The following OXR1 variants were observed in gnomAD, a reference collection of about 807,000 sequenced individuals.
The protein encoded by OXR1 is oxidation resistance protein 1.
OXR1 carries 41 observed loss-of-function variants against 104.6 expected under a neutral mutation model. The observed-to-expected ratio is 0.39, with a 90% confidence interval of 0.31 to 0.51. The LOEUF (loss-of-function observed/expected upper bound fraction) is 0.51, where lower values mean the gene tolerates loss of function less well. Among genes scored for constraint, OXR1 ranks in the 20% least tolerant of loss-of-function variants. The pLI, the probability that OXR1 is intolerant of heterozygous loss-of-function variation, is 0.77. For missense variants in OXR1, 955 were observed against 1,031.9 expected (o/e 0.93, Z 1.02); for synonymous variants, 348 against 348.4 (o/e 1.00, Z 0.01).
chr8:106,515,472 C>T (rs186020711), intron 2 of OXR1, among the ~76,000 whole-genome samples: 2 of 152,126 alleles, frequency 1.3e-5, no homozygotes, highest in Admixed American at 1.3e-4. Context: ...TTCCTTATAT[C>T]CTTCATTCTA....
chr8:106,690,330 T>C (rs1283709326), intron 6 of OXR1, among the ~76,000 whole-genome samples: 2 of 151,112 alleles, frequency 1.3e-5, no homozygotes, highest in Non-Finnish European at 3.0e-5. Context: ...GCTTTGATGC[T>C]TTTAAACCTA....
chr8:106,336,282 G>C (rs1393900982), intron 1 of OXR1, among the ~76,000 whole-genome samples: 1 of 152,188 alleles, frequency 6.6e-6, no homozygotes, highest in Non-Finnish European at 1.5e-5. Context: ...TGGCACCCCA[G>C]TGGATCCCCA....
At chr8:106,375,990 C>G (rs1816892054) in intron 2 of OXR1, among the ~76,000 whole-genome samples, 1 of 152,122 alleles carries the variant, frequency 6.6e-6, no homozygotes, top group Non-Finnish European at 1.5e-5. Flanking sequence ...GCTGGTACTA[C>G]AGGCACATGC....
intron 3 of OXR1, among the ~76,000 whole-genome samples, chr8:106,621,841 A>G (rs1300809545): frequency 6.6e-6 from 1 of 152,176 alleles, no homozygotes; most frequent in Non-Finnish European, 1.5e-5. Context: ...AGTCTAAATC[A>G]CTTTATTTCC....
At chr8:106,574,211 A>C (rs1817669440) in intron 3 of OXR1, among the ~76,000 whole-genome samples, 1 of 151,114 alleles carries the variant, frequency 6.6e-6, no homozygotes, top group Non-Finnish European at 1.5e-5. Flanking sequence ...AAAAAGCCCC[A>C]AAATGTTTAT....
chr8:106,640,251 C>G (rs1015908049), intron 3 of OXR1, among the ~76,000 whole-genome samples: 2 of 151,328 alleles, frequency 1.3e-5, no homozygotes, highest in Admixed American at 1.3e-4. Flanking sequence ...ACAACCAATG[C>G]AAATATATAT....
intron 3 of OXR1, among the ~76,000 whole-genome samples, chr8:106,632,954 G>A (rs529189025): frequency 1.0e-4 from 15 of 150,560 alleles, no homozygotes; most frequent in Admixed American, 7.3e-4. Context: ...ACAGCCAACC[G>A]GCCGGGTGCG....
chr8:106,386,894 A>T (rs1198277538), intron 2 of OXR1, among the ~76,000 whole-genome samples: 1 of 152,194 alleles, frequency 6.6e-6, no homozygotes, highest in African/African-American at 2.4e-5. Flanking sequence ...GCAGACTTTT[A>T]AAAAAGGCTT....
intron 1 of OXR1, among the ~76,000 whole-genome samples, chr8:106,308,521 T>C (rs993402762): frequency 6.6e-6 from 1 of 152,190 alleles, no homozygotes; most frequent in Non-Finnish European, 1.5e-5. Flanking sequence ...ATCCCAATAC[T>C]GACCTGGTCA....
intron 1 of OXR1, among the ~76,000 whole-genome samples, chr8:106,344,205 G>T (rs1815380444): frequency 6.6e-6 from 1 of 152,194 alleles, no homozygotes; most frequent in Non-Finnish European, 1.5e-5. Context: ...TTGGGTTGGG[G>T]TGGAGATGTT....
Position 106,480,258 on chromosome 8 carries a change from C to G in OXR1, c.24-38685C>G, listed in dbSNP as rs531646548. Among the ~76,000 whole-genome samples the G allele has an allele frequency of 5.3e-5, 8 of 152,078 alleles. No individual in the cohort carries two copies. In the South Asian group the frequency reaches 1.4e-3, roughly 28 times the overall value. ...ACCAATATGCAGACCCAGCTCTGAT[C>G]TCTTTTTTTTCTGCATTGTGATATT... On this transcript the variant is annotated intron_variant, in intron 2 of 16. Coordinates refer to ENST00000517566, the MANE Select transcript of OXR1 (RefSeq NM_001198533.2).
chr8:106,285,074 C>T (rs999282158), intron 1 of OXR1, among the ~76,000 whole-genome samples: 2 of 152,046 alleles, frequency 1.3e-5, no homozygotes, highest in African/African-American at 4.8e-5. Context: ...CCCATTAACT[C>T]GTCATTTACA....
intron 11 of OXR1, among the ~76,000 whole-genome samples, chr8:106,714,513 A>G (rs1832042629): frequency 6.6e-6 from 1 of 152,076 alleles, no homozygotes; most frequent in Non-Finnish European, 1.5e-5. Flanking sequence ...AGCAGGTGCT[A>G]ATTTTATAAA....
intron 11 of OXR1, among the ~76,000 whole-genome samples, chr8:106,723,645 C>A (rs1361034555): frequency 6.6e-6 from 1 of 151,648 alleles, no homozygotes; most frequent in Non-Finnish European, 1.5e-5. Context: ...GTACTCCAGC[C>A]TGGGCAACAG....
intron 1 of OXR1, among the ~76,000 whole-genome samples, chr8:106,282,147 G>C (rs1203178735): frequency 1.3e-5 from 2 of 152,056 alleles, no homozygotes; most frequent in Non-Finnish European, 2.9e-5. Flanking sequence ...CACTGACATG[G>C]ATAGAATTCA....
intron 3 of OXR1, among the ~76,000 whole-genome samples, chr8:106,580,068 AG>A (rs1818124381): frequency 6.6e-6 from 1 of 152,226 alleles, no homozygotes; most frequent in African/African-American, 2.4e-5. Context: ...ACAGAACTAT[AG>A]GCATGAGAAT....
At chr8:106,699,235 A>G (rs921629137) in intron 7 of OXR1, among the ~76,000 whole-genome samples, 2 of 152,086 alleles carry the variant, frequency 1.3e-5, no homozygotes, top group Non-Finnish European at 2.9e-5. Flanking sequence ...CTGACTATTG[A>G]TTCTTCTGCT....
intron 1 of OXR1, among the ~76,000 whole-genome samples, chr8:106,324,059 G>A (rs770542272): frequency 2.1e-4 from 32 of 152,238 alleles, no homozygotes; most frequent in Admixed American, 8.5e-4. Context: ...ATGCATGCAC[G>A]TAAATGTTCA....
intron 1 of OXR1, among the ~76,000 whole-genome samples, chr8:106,295,150 A>T (rs977698916): frequency 6.6e-6 from 1 of 152,204 alleles, no homozygotes. Context: ...ACTGCTGGGC[A>T]TAATGGTTAG....
Sources: allele counts gnomAD v4.1 joint callset (sites outside exome capture counted in the v4.1 genomes callset), GRCh38; gene constraint gnomAD v4.1.1; transcripts MANE v1.5; gene names NCBI Gene and HGNC (gene_info 2026-07-23, HGNC 2026-07-21).